Variants in ATP2C1 observed in about 807,000 individuals in gnomAD.
ATP2C1 encodes ATPase secretory pathway Ca2+ transporting 1.
In ATP2C1, 31 loss-of-function variants were observed where a neutral mutation model predicts 120.5. The observed-to-expected ratio is 0.26, with a 90% confidence interval of 0.19 to 0.35. ATP2C1 has a LOEUF of 0.35. ATP2C1 is among the 10% of genes least tolerant of loss of function. ATP2C1 has a pLI of 1.00. For missense variants in ATP2C1, 731 were observed against 1,107.5 expected, an observed-to-expected ratio of 0.66 and a Z score of 4.83; for synonymous variants, 351 against 358.7, an observed-to-expected ratio of 0.98 and a Z score of 0.24.
At chr3:130,968,218 C>T (rs186540838) in intron 16 of ATP2C1, among the ~76,000 whole-genome samples, 1 of 152,132 alleles carries the variant, frequency 6.6e-6, no homozygotes. Flanking sequence ...CTCCTTACAA[C>T]TAAAACAGCA....
chr3:130,923,426 C>T (rs1213371812), intron 2 of ATP2C1, among the ~76,000 whole-genome samples: 1 of 151,994 alleles, frequency 6.6e-6, no homozygotes, highest in Non-Finnish European at 1.5e-5. Flanking sequence ...CGAGTTTTCA[C>T]CATGCTGGTC....
chr3:130,952,373 TGAG>T (rs2060406126), intron 8 of ATP2C1, among the ~76,000 whole-genome samples: 1 of 152,132 alleles, frequency 6.6e-6, no homozygotes, highest in Non-Finnish European at 1.5e-5. Flanking sequence ...ACAGTTTTGT[TGAG>T]GAGATGAAGA....
chr3:130,878,817 C>T (rs1166391952), intron 1 of ATP2C1, among the ~76,000 whole-genome samples: 1 of 152,056 alleles, frequency 6.6e-6, no homozygotes, highest in South Asian at 2.1e-4. Context: ...AGAATTCTTT[C>T]TTCAACTTTT....
Position 130,884,767 on chromosome 3 carries a change from CTT to C in ATP2C1, c.108+33840_108+33841del, listed in dbSNP as rs1417525039. On this transcript the variant is annotated intron_variant, in intron 1 of 26. Coordinates refer to the ATP2C1 transcript ENST00000504381. Reference sequence around the variant, plus strand: ...CATTATATGATGACCTTCTTTGTCTCTTCTTATAGTTTTTGTCAAGAAAACTA... The same window carrying C: ...CATTATATGATGACCTTCTTTGTCTCCTTATAGTTTTTGTCAAGAAAACTA... Among the ~76,000 whole-genome samples, 3 of 152,188 alleles carry C rather than the reference CTT, an allele frequency of 2.0e-5. No homozygotes were observed. The East Asian group carries it at 5.8e-4, about 29-fold the overall frequency.
intron 1 of ATP2C1, among the ~76,000 whole-genome samples, chr3:130,872,631 C>G (rs955786735): frequency 1.3e-5 from 2 of 151,636 alleles, no homozygotes; most frequent in Admixed American, 1.3e-4. Flanking sequence ...GTCACCCAAG[C>G]TGGAGTGCAG....
intron 1 of ATP2C1, among the ~76,000 whole-genome samples, chr3:130,877,355 T>A (rs1040065585): frequency 2.0e-5 from 3 of 152,176 alleles, no homozygotes; most frequent in Non-Finnish European, 4.4e-5. Flanking sequence ...ACAGGCAACC[T>A]ACAGAATGGG....
chr3:130,856,064 G>A (rs960586012), intron 1 of ATP2C1: 1 of 151,886 alleles, frequency 6.6e-6, no homozygotes, highest in Non-Finnish European at 1.5e-5. Context: ...CTTAAAATGA[G>A]GAGAGTGGTC....
At position 130,968,116 on chromosome 3, in the gene ATP2C1, C is replaced by T. The variant is rs1381973263; in HGVS notation, c.1308+697C>T. Among the ~76,000 whole-genome samples the T allele has an allele frequency of 2.6e-5, 4 of 152,274 alleles. No individual in the cohort carries two copies. In the South Asian group the frequency reaches 6.2e-4, roughly 24 times the overall value. The stretch of plus-strand genomic sequence containing the variant: ...TGAAATGAGAGACAGTACAGAATTA[C>T]AGGTTATTATAACATATTTAATGAA... On this transcript the variant is annotated intron_variant, in intron 16 of 27. Coordinates refer to ENST00000510168, the MANE Select transcript of ATP2C1 (RefSeq NM_001378687.1).
chr3:130,984,199 A>G (rs2061896197), intron 20 of ATP2C1, among the ~76,000 whole-genome samples: 1 of 152,150 alleles, frequency 6.6e-6, no homozygotes, highest in South Asian at 2.1e-4. Flanking sequence ...CCAGGTCTGT[A>G]TGCTCCAGAG....
intron 1 of ATP2C1, among the ~76,000 whole-genome samples, chr3:130,872,592 T>C (rs554831012): frequency 1.3e-5 from 2 of 152,116 alleles, no homozygotes; most frequent in Admixed American, 6.5e-5. Context: ...CTTTTCTTTT[T>C]TTTTTTTTTA....
At position 130,894,386 on chromosome 3, in the gene ATP2C1, T is replaced by C. The variant is rs2069386644; in HGVS notation, c.-181+49T>C. On this transcript the variant is annotated intron_variant, in intron 1 of 27. Coordinates refer to ENST00000510168, the MANE Select transcript of ATP2C1 (RefSeq NM_001378687.1). This position sits in a 1 kb window ranked among gnomAD's most constrained non-coding sequence, Gnocchi z 4.5. ...CCCCCATTTCTAGAAACTTCCAGGT[T>C]CTGAAGGAAGGGGAGGTTCGGGTAT... 8.8e-7 allele frequency: 1 copy of C among 1,141,252 alleles called. No individual in the cohort carries two copies. The highest frequency in any genetic ancestry group is 1.6e-5 in the African/African-American group (1 of 62,246). 70.7% of individuals were successfully genotyped at this position (1,141,252 alleles called of 1,614,324 possible).
In ATP2C1 at chr3:130,940,905, A is replaced by ATTTTTTTTTTT. The variant is rs749879416; in HGVS notation, c.422+232_422+242dup. Among the ~76,000 whole-genome samples, 17 of 86,114 alleles carry ATTTTTTTTTTT rather than the reference A, an allele frequency of 2.0e-4. 2 individuals carry two copies. The highest frequency in any genetic ancestry group is 3.6e-4 in the Non-Finnish European group (16 of 45,036). The allele number at this position is 86,114 out of a possible 152,430, so 56.5% of individuals were successfully genotyped here. On this transcript the variant is annotated intron_variant, in intron 7 of 27. Coordinates refer to ENST00000510168, the MANE Select transcript of ATP2C1 (RefSeq NM_001378687.1). ...CTAGAGACATGGATGTATTTAACAG[A>ATTTTTTTTTTT]TTTTTTTTTTTTTTTTTTTTTTTTT...
chr3:130,948,132 ATAGT>A (rs1425613139), intron 8 of ATP2C1, among the ~76,000 whole-genome samples: 20 of 152,162 alleles, frequency 1.3e-4, no homozygotes, highest in Admixed American at 1.3e-3. Flanking sequence ...GTTTACCTAC[ATAGT>A]TAGCTTCATT....
intron 9 of ATP2C1, 81 bp from the exon 10 acceptor site, chr3:130,954,931 A>C: frequency 1.0e-6 from 1 of 960,226 alleles, no homozygotes; most frequent in Non-Finnish European, 1.7e-6. Context: ...AAGACTTTGA[A>C]AGTTGTTGGA....
chr3:130,997,982 C>T (rs2062708888), intron 25 of ATP2C1, among the ~76,000 whole-genome samples: 1 of 152,026 alleles, frequency 6.6e-6, no homozygotes, highest in Admixed American at 6.6e-5. Context: ...AATAAAAATA[C>T]ATGAAAATTT....
chr3:130,894,724 A>G lies in ATP2C1; in HGVS notation c.-46A>G, dbSNP rs2069436320. ...TATTCCCAGTGTGGCCGTGGCTGAC[A>G]CTAAAGACTTTGTAGCCATCAACCC... On this transcript the variant is annotated 5_prime_UTR_variant, in exon 2 of 28. Coordinates refer to ENST00000510168, the MANE Select transcript of ATP2C1 (RefSeq NM_001378687.1). The surrounding 1 kb of genome is among the most constrained non-coding windows in gnomAD (Gnocchi z 4.5). 1 of 1,614,152 alleles carries G rather than the reference A, an allele frequency of 6.2e-7. No individual in the cohort carries two copies. Among genetic ancestry groups the G allele is most frequent in the Non-Finnish European group, 8.5e-7 (1 of 1,180,014 alleles).
chr3:130,899,642 A>C (rs1473267678), intron 2 of ATP2C1: 1 of 152,182 alleles, frequency 6.6e-6, no homozygotes, highest in Non-Finnish European at 1.5e-5. Flanking sequence ...TTGCTACGAC[A>C]AAAGTATAAA....
At chr3:130,961,096 G>C (rs1242864997) in intron 12 of ATP2C1, among the ~76,000 whole-genome samples, 1 of 151,812 alleles carries the variant, frequency 6.6e-6, no homozygotes, top group Non-Finnish European at 1.5e-5. Flanking sequence ...TCTCAAGGGA[G>C]GGGGTGAAAA....
chr3:130,886,524 C>T (rs868339739), intron 1 of ATP2C1, among the ~76,000 whole-genome samples: 20 of 152,088 alleles, frequency 1.3e-4, no homozygotes, highest in African/African-American at 4.8e-4. Context: ...ATGCTTCATT[C>T]TTTTTTATCC....
Sources: gnomAD v4.1 joint callset for allele counts (sites outside exome capture counted in the v4.1 genomes callset) on GRCh38, gnomAD v4.1.1 for gene constraint, Gnocchi (gnomAD v3.1) non-coding constraint, MANE v1.5 for transcripts, NCBI Gene and HGNC (gene_info 2026-07-23, HGNC 2026-07-21) for gene names.